GREB1L: variants seen among roughly 807,000 people sequenced by gnomAD.
GREB1L encodes the protein GREB1-like protein.
In GREB1L, 17 loss-of-function variants were observed where a neutral mutation model predicts 200.8. That is an observed-to-expected ratio of 0.08 (90% confidence interval 0.06 to 0.13). The LOEUF is 0.13. Ranked by LOEUF, GREB1L falls within the 10% of genes least tolerant of loss-of-function variation. The pLI, the probability that GREB1L is intolerant of heterozygous loss-of-function variation, is 1.00. For missense variants in GREB1L, 1,657 were observed against 2,367.7 expected (o/e 0.70, Z 6.23); for synonymous variants, 789 against 893.0 (o/e 0.88, Z 2.08).
At chr18:21,503,044 G>A (rs1675141277) in intron 23 of GREB1L, among the ~76,000 whole-genome samples, 1 of 152,124 alleles carries the variant, frequency 6.6e-6, no homozygotes, top group Non-Finnish European at 1.5e-5. Context: ...AACTAGGCTT[G>A]AAAGTGCAGA....
rs1224874062 is a variant in GREB1L at position 21,524,977 on chromosome 18, A to G, written c.*2156A>G. 6.7e-6 allele frequency: 1 copy of G among 149,792 alleles called. No individual in the cohort carries two copies. Among genetic ancestry groups the G allele is most frequent in the African/African-American group, 2.5e-5 (1 of 40,618 alleles). The allele number at this position is 149,792 out of a possible 1,614,324, so 9.3% of individuals were successfully genotyped here. On this transcript the variant is annotated 3_prime_UTR_variant, in exon 33 of 33. Transcript: ENST00000424526. ...GTATGTTAGGTCCTTCTTTAAGGATAAAATTGCACAAGCACAGGACACCAT... is the reference window on the plus strand; with the variant it reads ...GTATGTTAGGTCCTTCTTTAAGGATGAAATTGCACAAGCACAGGACACCAT...
intron 11 of GREB1L, among the ~76,000 whole-genome samples, chr18:21,445,528 C>T (rs1368685294): frequency 6.6e-6 from 1 of 152,030 alleles, no homozygotes; most frequent in Non-Finnish European, 1.5e-5. Context: ...TAAAATTACA[C>T]ATAAAAATAT....
chr18:21,473,247 T>C, intron 16 of GREB1L, 36 bp downstream of exon 16: 1 of 1,391,972 alleles, frequency 7.2e-7, no homozygotes, highest in East Asian at 2.7e-5. Flanking sequence ...GAGTCTCCCT[T>C]CTACAGGAAT....
At chr18:21,333,675 C>CA (rs36089817) in intron 1 of GREB1L, among the ~76,000 whole-genome samples, 212 of 108,768 alleles carry the variant, frequency 1.9e-3, no homozygotes, top group Middle Eastern at 4.6e-3. Flanking sequence ...AACTCTGTCT[C>CA]AAAAAAAAAA....
chr18:21,311,102 C>T (rs1489883907), intron 1 of GREB1L, among the ~76,000 whole-genome samples: 1 of 152,254 alleles, frequency 6.6e-6, no homozygotes, highest in East Asian at 1.9e-4. Context: ...TACTTTAACA[C>T]TTGGTGAGGG....
At chr18:21,342,143 C>T (rs1472648102) in intron 1 of GREB1L, among the ~76,000 whole-genome samples, 1 of 152,064 alleles carries the variant, frequency 6.6e-6, no homozygotes, top group Admixed American at 6.6e-5. Context: ...TGTAAAATTT[C>T]AGACTGATTG....
At chr18:21,404,356 C>T (rs1228394302) in intron 7 of GREB1L, among the ~76,000 whole-genome samples, 1 of 152,158 alleles carries the variant, frequency 6.6e-6, no homozygotes, top group Non-Finnish European at 1.5e-5. Flanking sequence ...GGGTAGGGCT[C>T]TAACTAAGCC....
intron 1 of GREB1L, among the ~76,000 whole-genome samples, chr18:21,351,948 AGC>A (rs2143320604): frequency 6.6e-6 from 1 of 152,210 alleles, no homozygotes; most frequent in Admixed American, 6.5e-5. Context: ...CCCGGATTCA[AGC>A]AATTCTTCTG....
intron 1 of GREB1L, among the ~76,000 whole-genome samples, chr18:21,258,070 T>C (rs1279380408): frequency 6.6e-6 from 1 of 152,194 alleles, no homozygotes; most frequent in Non-Finnish European, 1.5e-5. Context: ...GGTACCTGTT[T>C]TGTGATTCAA....
At chr18:21,338,899 T>C (rs1476961293) in intron 1 of GREB1L, among the ~76,000 whole-genome samples, 9 of 152,152 alleles carry the variant, frequency 5.9e-5, no homozygotes, top group Non-Finnish European at 1.3e-4. Flanking sequence ...TTTAAACTTA[T>C]CTTATTAGGC....
chr18:21,266,888 C>T (rs1428853086), intron 1 of GREB1L, among the ~76,000 whole-genome samples: 2 of 152,112 alleles, frequency 1.3e-5, no homozygotes, highest in Non-Finnish European at 2.9e-5. Context: ...TATTTCTTCT[C>T]TTATTGTCAG....
In GREB1L at chr18:21,454,436, G is replaced by A. The variant is rs1428329565; in HGVS notation, c.2055G>A (p.Val685=). Residue 685 remains valine, a synonymous_variant, in exon 15 of 33, where the codon GTG becomes GTA. Coordinates refer to ENST00000424526, the MANE Select transcript of GREB1L (RefSeq NM_001142966.3). ...TTGCCAGAAAACTCTTATCCCAGGTGTGTGCTATAGCGGACAGTGGCAGCC... is the reference window on the plus strand; with the variant it reads ...TTGCCAGAAAACTCTTATCCCAGGTATGTGCTATAGCGGACAGTGGCAGCC... ...LTVARKLLSQ[V]CAIADSGSQS... is the part of the protein sequence containing the mutation. 4 of 1,551,758 alleles carry A rather than the reference G, an allele frequency of 2.6e-6. No individual in the cohort carries two copies. Among genetic ancestry groups the A allele is most frequent in the Non-Finnish European group, 3.5e-6 (4 of 1,146,936 alleles).
chr18:21,355,193 ATT>A (rs113751730), intron 1 of GREB1L, among the ~76,000 whole-genome samples: 52 of 139,354 alleles, frequency 3.7e-4, no homozygotes, highest in Admixed American at 7.2e-4. Context: ...CTTTTGTTAA[ATT>A]TTTTTTTTTT....
intron 15 of GREB1L, among the ~76,000 whole-genome samples, chr18:21,461,725 T>A (rs1392870186): frequency 2.0e-5 from 3 of 152,218 alleles, no homozygotes; most frequent in Admixed American, 2.0e-4. Flanking sequence ...TGTAGTTGCA[T>A]GTTTATTAAT....
chr18:21,322,903 T>C (rs9964746), intron 1 of GREB1L, among the ~76,000 whole-genome samples: 6,027 of 152,276 alleles, frequency 0.04, 413 homozygotes, highest in African/African-American at 0.14. Flanking sequence ...GTAAAACTTA[T>C]GGTAGTAAAC....
At chr18:21,439,241 A>G (rs2033754196) in intron 7 of GREB1L, among the ~76,000 whole-genome samples, 1 of 152,158 alleles carries the variant, frequency 6.6e-6, no homozygotes, top group East Asian at 1.9e-4. Context: ...GTATATAAGA[A>G]TTTTTTTCCC....
At chr18:21,433,540 C>G (rs1252355885) in intron 7 of GREB1L, among the ~76,000 whole-genome samples, 1 of 152,198 alleles carries the variant, frequency 6.6e-6, no homozygotes, top group Admixed American at 6.5e-5. Flanking sequence ...GGGTCATCTT[C>G]AGTTTCCCAC....
intron 17 of GREB1L, among the ~76,000 whole-genome samples, chr18:21,480,201 A>T (rs1218493341): frequency 6.6e-6 from 1 of 152,180 alleles, no homozygotes; most frequent in Non-Finnish European, 1.5e-5. Flanking sequence ...AAATACAAAA[A>T]TTAGCTGGGT....
chr18:21,455,106 TAGAG>T (rs1027713459), intron 15 of GREB1L: 22 of 152,992 alleles, frequency 1.4e-4, no homozygotes, highest in African/African-American at 4.6e-4. Flanking sequence ...TGTGAAAAGG[TAGAG>T]AGCAAAAATT....
Sources: allele counts gnomAD v4.1 joint callset (sites outside exome capture counted in the v4.1 genomes callset), GRCh38; gene constraint gnomAD v4.1.1; transcripts MANE v1.5; gene names NCBI Gene and HGNC (gene_info 2026-07-23, HGNC 2026-07-21).